LRRK1: variants seen among roughly 807,000 people sequenced by gnomAD.
LRRK1 encodes the protein leucine rich repeat kinase 1.
Under a neutral mutation model 209.1 loss-of-function variants are expected in LRRK1, and 113 were observed. The ratio of observed to expected loss-of-function variants is 0.54; its 90% CI spans 0.46 to 0.63. LRRK1 has a LOEUF of 0.63. Among genes scored for constraint, LRRK1 ranks in the 30% least tolerant of loss-of-function variants. The pLI is 0.00. For missense variants in LRRK1, 2,284 were observed against 2,632.2 expected, an observed-to-expected ratio of 0.87 and a Z score of 2.89; for synonymous variants, 1,144 against 1,099.7, an observed-to-expected ratio of 1.04 and a Z score of -0.80.
intron 6 of LRRK1, among the ~76,000 whole-genome samples, chr15:101,004,416 G>C (rs1239463617): frequency 6.6e-6 from 1 of 152,160 alleles, no homozygotes; most frequent in Non-Finnish European, 1.5e-5. Context: ...AGTGCACAGA[G>C]TGGATAGCTT....
chr15:100,932,720 ATT>A (rs1284673385), intron 2 of LRRK1, among the ~76,000 whole-genome samples: 1 of 152,184 alleles, frequency 6.6e-6, no homozygotes, highest in African/African-American at 2.4e-5. Flanking sequence ...TCTTCAGGTA[ATT>A]ATCATTTCTC....
At chr15:100,946,265 AAT>A (rs1381147870) in intron 2 of LRRK1, among the ~76,000 whole-genome samples, 1 of 152,194 alleles carries the variant, frequency 6.6e-6, no homozygotes, top group Non-Finnish European at 1.5e-5. Context: ...TACCTAGAGA[AAT>A]AAACCTATGA....
chr15:100,951,452 G>C (rs1220709065), intron 2 of LRRK1, among the ~76,000 whole-genome samples: 1 of 152,136 alleles, frequency 6.6e-6, no homozygotes, highest in South Asian at 2.1e-4. Flanking sequence ...ATATACACAA[G>C]AGAACTGAGG....
At chr15:101,044,913 T>C (rs1407809987) in intron 20 of LRRK1, among the ~76,000 whole-genome samples, 1 of 152,232 alleles carries the variant, frequency 6.6e-6, no homozygotes, top group Non-Finnish European at 1.5e-5. Flanking sequence ...CAGGACACTC[T>C]GATGAAGAGG....
At chr15:101,018,267 A>C (rs1422122895) in intron 12 of LRRK1, among the ~76,000 whole-genome samples, 1 of 152,160 alleles carries the variant, frequency 6.6e-6, no homozygotes, top group Non-Finnish European at 1.5e-5. Flanking sequence ...CCAGAGGGCC[A>C]GGAAACAAAT....
In LRRK1 at chr15:101,057,042, C is replaced by T. The variant is rs1220993308; in HGVS notation, c.4519C>T (p.Pro1507Ser). The stretch of plus-strand genomic sequence containing the variant: ...CATGATGGAGTGCTGGGACACTAAG[C>T]CAGAGAAGGTACTTGGGGACACAGA... ...ALMMECWDTK[P>S]EKRPLALSVV... The change falls in exon 28 of 34, where the codon CCA becomes TCA. Residue 1507 changes from proline to serine, a missense_variant. By Grantham distance (74) the Pro-to-Ser change is moderately conservative (BLOSUM62 -1). Around this residue, in one of 6 missense-constraint regions of LRRK1, gnomAD observed 643 missense variants for 695.9 expected, o/e 0.92. Coordinates refer to ENST00000388948, the MANE Select transcript of LRRK1 (RefSeq NM_024652.6). The T allele has an allele frequency of 6.2e-7, 1 of 1,606,224 alleles. No individual in the cohort carries two copies. The highest frequency in any genetic ancestry group is 1.7e-5 in the Admixed American group (1 of 58,940).
chr15:101,062,980 G>A (rs2036277482), intron 31 of LRRK1, among the ~76,000 whole-genome samples: 1 of 152,140 alleles, frequency 6.6e-6, no homozygotes, highest in African/African-American at 2.4e-5. Context: ...GGTACAAATG[G>A]CACGGTGAGC....
chr15:101,066,693 G>C lies in LRRK1; in HGVS notation c.5822G>C (p.Arg1941Pro), dbSNP rs753312283. 1 of 1,614,192 alleles carries C rather than the reference G, an allele frequency of 6.2e-7. No homozygotes were observed. The highest frequency in any genetic ancestry group is 8.5e-7 in the Non-Finnish European group (1 of 1,180,026). Residue 1941 changes from arginine to proline, a missense_variant, in exon 33 of 34, where the codon CGG becomes CCG. By Grantham distance (103) the Arg-to-Pro change is moderately radical (BLOSUM62 -2). Around this residue, in one of 6 missense-constraint regions of LRRK1, gnomAD observed 643 missense variants for 695.9 expected, o/e 0.92. Transcript: ENST00000388948. ...CTGGAGAAGGATTCTGGCGCCCAGC[G>C]GGGCCGAGTCATTGCCGTCTTAAAA... ...IGLEKDSGAQ[R>P]GRVIAVLKAR...
chr15:100,921,835 G>A (rs1384006976), intron 1 of LRRK1, among the ~76,000 whole-genome samples: 2 of 151,988 alleles, frequency 1.3e-5, no homozygotes, highest in Admixed American at 6.6e-5. Context: ...CTCATGCCTC[G>A]GCCTCCCAAG....
At chr15:101,010,628 G>A in intron 8 of LRRK1, 46 bp from the exon 9 acceptor site, 1 of 1,595,254 alleles carries the variant, frequency 6.3e-7, no homozygotes, top group East Asian at 2.2e-5. Context: ...TCTTGGTAGG[G>A]ATATTTTTAC....
rs1049526268 is a variant in LRRK1 at position 101,052,838 on chromosome 15, C to T, written c.3690-84C>T. On this transcript the variant is annotated intron_variant, in intron 24 of 33. Coordinates refer to ENST00000388948, the MANE Select transcript of LRRK1 (RefSeq NM_024652.6). ...ACAGATGGCTTTGAACCATGACTCT[C>T]GGCCGTTGGGGCAAATGACCCAGCC... 3.1e-5 allele frequency: 46 copies of T among 1,467,758 alleles called. 3 individuals are homozygous for T. The South Asian group carries it at 4.2e-4, about 13-fold the overall frequency. The allele number at this position is 1,467,758 out of a possible 1,614,324, so 90.9% of individuals were successfully genotyped here. A position where few individuals can be genotyped will look rare whatever the true frequency, so the allele number is the denominator to read the frequency against.
chr15:100,974,433 ATGGTTG>A (rs774118924), intron 3 of LRRK1, among the ~76,000 whole-genome samples: 3 of 151,828 alleles, frequency 2.0e-5, no homozygotes, highest in Non-Finnish European at 2.9e-5. Flanking sequence ...CTGAGCATAC[ATGGTTG>A]TTGTTGTTGT....
At chr15:101,049,460 C>G (rs894230752) in intron 22 of LRRK1, 184 bp from the exon 23 acceptor site, 1 of 584,072 alleles carries the variant, frequency 1.7e-6, no homozygotes, top group Non-Finnish European at 2.8e-6. Flanking sequence ...AGGCCAGGTC[C>G]GGGGCAAGAA....
intron 2 of LRRK1, among the ~76,000 whole-genome samples, chr15:100,941,490 G>C (rs1186774588): frequency 6.8e-6 from 1 of 147,256 alleles, no homozygotes; most frequent in Non-Finnish European, 1.5e-5. Context: ...GTGTGTGTGT[G>C]TGTGTGTGTG....
At chr15:100,928,599 G>A (rs565628987) in intron 2 of LRRK1, among the ~76,000 whole-genome samples, 3 of 152,334 alleles carry the variant, frequency 2.0e-5, no homozygotes, top group East Asian at 3.9e-4. Context: ...TGAAAACGAC[G>A]ACGTTCTTAT....
intron 3 of LRRK1, among the ~76,000 whole-genome samples, chr15:100,982,764 A>G (rs2031674166): frequency 6.6e-6 from 1 of 152,196 alleles, no homozygotes; most frequent in African/African-American, 2.4e-5. Flanking sequence ...CTGACTTAAC[A>G]TGTACCAAGT....
chr15:101,049,910 TAAC>T, intron 23 of LRRK1, 127 bp downstream of exon 23: 2 of 1,019,746 alleles, frequency 2.0e-6, no homozygotes, highest in Admixed American at 5.8e-5. Flanking sequence ...TAGGGGGTCT[TAAC>T]AGCACTTTGG....
intron 20 of LRRK1, among the ~76,000 whole-genome samples, chr15:101,045,397 G>A (rs1239007364): frequency 3.3e-5 from 5 of 152,194 alleles, no homozygotes; most frequent in Admixed American, 6.5e-5. Context: ...AGCCCTTGCC[G>A]ATGCAATGAT....
At chr15:100,991,160 A>G (rs1020672337) in intron 6 of LRRK1, among the ~76,000 whole-genome samples, 2 of 152,178 alleles carry the variant, frequency 1.3e-5, no homozygotes, top group African/African-American at 4.8e-5. Flanking sequence ...ATCTGTATAC[A>G]TTTTGGGATT....
Sources: allele counts gnomAD v4.1 joint callset (sites outside exome capture counted in the v4.1 genomes callset), GRCh38; gene constraint gnomAD v4.1.1; regional missense constraint gnomAD v4.1.1; transcripts MANE v1.5; gene names NCBI Gene and HGNC (gene_info 2026-07-23, HGNC 2026-07-21).